LRP1B: variants seen among roughly 807,000 people sequenced by gnomAD.
LRP1B encodes LDL receptor related protein 1B.
In LRP1B, 217 loss-of-function variants were observed where a neutral mutation model predicts 556.6. That is an observed-to-expected ratio of 0.39 (90% CI 0.35 to 0.44). The LOEUF is 0.44. Among genes scored for constraint, LRP1B ranks in the 20% least tolerant of loss-of-function variants. LRP1B has a pLI of 1.00. For synonymous variants in LRP1B, 2,047 were observed against 1,865.8 expected (o/e 1.10, Z -2.50); for missense variants, 5,053 against 5,620.8 (o/e 0.90, Z 3.23).
chr2:141,411,683 C>A (rs1690857900), intron 3 of LRP1B, among the ~76,000 whole-genome samples: 1 of 152,102 alleles, frequency 6.6e-6, no homozygotes, highest in African/African-American at 2.4e-5. Flanking sequence ...GTTGAAACAA[C>A]AAATTCACTT....
chr2:140,793,098 T>C (rs1177072451), intron 32 of LRP1B, among the ~76,000 whole-genome samples: 1 of 152,046 alleles, frequency 6.6e-6, no homozygotes, highest in African/African-American at 2.4e-5. Context: ...AAAGGCAGTT[T>C]ATATATATTT....
chr2:140,980,561 C>T (rs542879478), intron 18 of LRP1B, among the ~76,000 whole-genome samples: 1 of 152,248 alleles, frequency 6.6e-6, no homozygotes, highest in South Asian at 2.1e-4. Flanking sequence ...ATACTTTATT[C>T]AGAGGTTATA....
intron 66 of LRP1B, among the ~76,000 whole-genome samples, chr2:140,407,046 T>C (rs1202401672): frequency 6.6e-6 from 1 of 151,944 alleles, no homozygotes; most frequent in African/African-American, 2.4e-5. Flanking sequence ...TGAATATTTA[T>C]AGCCAACTGA....
chr2:141,551,081 G>A, intron 2 of LRP1B, among the ~76,000 whole-genome samples: 1 of 151,926 alleles, frequency 6.6e-6, no homozygotes, highest in South Asian at 2.1e-4. Flanking sequence ...GCTAGAAATA[G>A]GAAATAAGTT....
In LRP1B at chr2:141,480,523, C is replaced by T. The variant is rs760336392; in HGVS notation, c.216G>A (p.Glu72=). 67 of 1,613,650 alleles carry T rather than the reference C, an allele frequency of 4.2e-5. No homozygotes were observed. Among genetic ancestry groups the T allele is most frequent in the Admixed American group, 6.7e-5 (4 of 59,966 alleles). ...GATTCAAGGGGCACTTGATTTCTAC[C>T]TCCTCGGGACCTGAAAAGATGTAAA... ...SDESLDTCPE[E]VEIKCPLNHI... is the part of the protein sequence containing the mutation. Residue 72 remains glutamate (E), a synonymous_variant, in exon 3 of 91, where the codon GAG becomes GAA. Coordinates refer to ENST00000389484, the MANE Select transcript of LRP1B (RefSeq NM_018557.3).
chr2:141,698,910 C>G (rs564734579), intron 2 of LRP1B, among the ~76,000 whole-genome samples: 1 of 151,690 alleles, frequency 6.6e-6, no homozygotes, highest in East Asian at 2.0e-4. Context: ...TCAGCCAGGA[C>G]CCAGAGTTAT....
At chr2:140,967,680 C>T (rs906930032) in intron 18 of LRP1B, among the ~76,000 whole-genome samples, 1 of 151,406 alleles carries the variant, frequency 6.6e-6, no homozygotes, top group East Asian at 2.0e-4. Flanking sequence ...GTGGGTTTGT[C>T]ATAAATAGCT....
chr2:141,797,184 T>TAA (rs1695851357), intron 2 of LRP1B, among the ~76,000 whole-genome samples: 2 of 129,176 alleles, frequency 1.5e-5, no homozygotes, highest in Non-Finnish European at 3.3e-5. Flanking sequence ...TATATATATA[T>TAA]ATAACTATAT....
At chr2:141,112,028 AGAGT>A (rs1309690013) in intron 7 of LRP1B, among the ~76,000 whole-genome samples, 2 of 151,250 alleles carry the variant, frequency 1.3e-5, no homozygotes, top group Non-Finnish European at 2.9e-5. Flanking sequence ...CCTGGGCAAC[AGAGT>A]GAGACCCTGC....
intron 20 of LRP1B, among the ~76,000 whole-genome samples, chr2:140,947,477 G>T (rs771432570): frequency 5.3e-5 from 8 of 152,158 alleles, no homozygotes; most frequent in Non-Finnish European, 1.2e-4. Context: ...AGAATCCCCT[G>T]CTCTTTCTTC....
At chr2:141,122,166 A>G (rs1701069495) in intron 7 of LRP1B, among the ~76,000 whole-genome samples, 1 of 152,188 alleles carries the variant, frequency 6.6e-6, no homozygotes, top group African/African-American at 2.4e-5. Context: ...AAACCTAGGC[A>G]ATAGCATTCA....
Position 141,345,830 on chromosome 2 carries a change from A to G in LRP1B, c.344-91189T>C, listed in dbSNP as rs544611496. Among the ~76,000 whole-genome samples the G allele has an allele frequency of 1.1e-4, 16 of 152,056 alleles. No homozygotes were observed. The South Asian group carries it at 3.1e-3, about 30-fold the overall frequency. ...CTGAATTTTCTCTGTTCATTCTGGAACACCTATAGATTTAGAAAATGGACC... is the reference window on the plus strand; with the variant it reads ...CTGAATTTTCTCTGTTCATTCTGGAGCACCTATAGATTTAGAAAATGGACC... On this transcript the variant is annotated intron_variant, in intron 3 of 90. Transcript: ENST00000389484.
intron 1 of LRP1B, among the ~76,000 whole-genome samples, chr2:141,891,763 A>G (rs766350168): frequency 6.6e-6 from 1 of 152,110 alleles, no homozygotes; most frequent in African/African-American, 2.4e-5. Context: ...TTAGATATAC[A>G]TCTGCTATTC....
At chr2:141,459,436 G>T (rs1681770382) in intron 3 of LRP1B, among the ~76,000 whole-genome samples, 2 of 152,254 alleles carry the variant, frequency 1.3e-5, no homozygotes, top group South Asian at 4.1e-4. Context: ...TGAATTGTGG[G>T]TGCAGGCATA....
chr2:141,760,896 A>G (rs1694520715), intron 2 of LRP1B, among the ~76,000 whole-genome samples: 1 of 152,186 alleles, frequency 6.6e-6, no homozygotes, highest in South Asian at 2.1e-4. Flanking sequence ...TTAGAAAATT[A>G]TTACTCTCCC....
intron 31 of LRP1B, among the ~76,000 whole-genome samples, chr2:140,834,148 A>G (rs1265984533): frequency 6.6e-6 from 1 of 152,214 alleles, no homozygotes; most frequent in Non-Finnish European, 1.5e-5. Context: ...AAATTTTTAT[A>G]TAATGATCCT....
intron 3 of LRP1B, among the ~76,000 whole-genome samples, chr2:141,411,880 G>T (rs1690865824): frequency 6.6e-6 from 1 of 152,080 alleles, no homozygotes; most frequent in Non-Finnish European, 1.5e-5. Context: ...CAGAATGTGT[G>T]ATAAGAATTT....
intron 1 of LRP1B, among the ~76,000 whole-genome samples, chr2:141,929,075 T>C (rs1700416444): frequency 6.6e-6 from 1 of 152,108 alleles, no homozygotes; most frequent in Non-Finnish European, 1.5e-5. Context: ...AAGCCACTTG[T>C]CTAGAATCAT....
chr2:141,108,326 ATC>A (rs1373923299), intron 7 of LRP1B, among the ~76,000 whole-genome samples: 1 of 135,328 alleles, frequency 7.4e-6, no homozygotes, highest in Non-Finnish European at 1.6e-5. Flanking sequence ...TATGTTTATA[ATC>A]TGTTTCTTTT....
Sources: gnomAD v4.1 joint callset for allele counts (sites outside exome capture counted in the v4.1 genomes callset) on GRCh38, gnomAD v4.1.1 for gene constraint, MANE v1.5 for transcripts, NCBI Gene and HGNC (gene_info 2026-07-23, HGNC 2026-07-21) for gene names.